YWHAZ: variants seen among roughly 807,000 people sequenced by gnomAD.
YWHAZ encodes tyrosine 3-monooxygenase/tryptophan 5-monooxygenase activation protein zeta.
For synonymous variants in YWHAZ, 87 were observed against 103.6 expected, an observed-to-expected ratio of 0.84 and a Z score of 0.97; for missense variants, 79 against 284.8, an observed-to-expected ratio of 0.28 and a Z score of 5.20.
chr8:100,927,292 G>A (rs1563671907), intron 2 of YWHAZ, among the ~76,000 whole-genome samples: 2 of 152,202 alleles, frequency 1.3e-5, no homozygotes, highest in Non-Finnish European at 2.9e-5. Flanking sequence ...GGAGGCTGAG[G>A]TGGGAGGATC....
chr8:100,950,698 G>T, intron 1 of YWHAZ: 1 of 701,138 alleles, frequency 1.4e-6, no homozygotes. Context: ...GCCCGACCCC[G>T]GGGCAGAGAC....
In YWHAZ at chr8:100,917,740, T is replaced by C. The variant is rs952522708; in HGVS notation, c.*2953A>G. Reference sequence around the variant, plus strand: ...CTTAAAAACAAACGAACAAAAAAATTCCAGTACTTTACACACAAAAAGTCA... The same window carrying C: ...CTTAAAAACAAACGAACAAAAAAATCCCAGTACTTTACACACAAAAAGTCA... On this transcript the variant is annotated 3_prime_UTR_variant, in exon 6 of 6. Transcript: ENST00000395958. The C allele has an allele frequency of 6.6e-6, 1 of 152,014 alleles. No individual in the cohort carries two copies. The highest frequency in any genetic ancestry group is 2.4e-5 in the African/African-American group (1 of 41,374). 9.4% of individuals were successfully genotyped at this position (152,014 alleles called of 1,614,324 possible).
chr8:100,930,330 C>T (rs1353672186), intron 2 of YWHAZ, among the ~76,000 whole-genome samples: 3 of 152,186 alleles, frequency 2.0e-5, no homozygotes, highest in Admixed American at 6.5e-5. Context: ...AACTCCTGAC[C>T]TCATGATCCA....
chr8:100,924,274 G>A lies in YWHAZ; in HGVS notation c.443C>T (p.Ala148Val). Residue 148 changes from alanine (A) to valine (V), a missense_variant, in exon 4 of 6, where the codon GCA (alanine) becomes GTA (valine). Coordinates refer to ENST00000395958, the MANE Select transcript of YWHAZ (RefSeq NM_145690.3). The surrounding 1 kb of genome is among the most constrained non-coding windows in gnomAD (Gnocchi z 5.7). ...GCTGATTTCAAAAGCTTCTTGGTAT[G>A]CTTGTTGTGACTGATCGACAATCCC... ...KKGIVDQSQQ[A>V]YQEAFEISKK... 1 of 1,613,586 alleles carries A rather than the reference G, an allele frequency of 6.2e-7. No individual in the cohort carries two copies. The highest frequency in any genetic ancestry group is 8.5e-7 in the Non-Finnish European group (1 of 1,179,966).
In YWHAZ at chr8:100,940,019, C is replaced by T. The variant is rs930474496; in HGVS notation, c.294+8577G>A. ...GCCTGGGGGACAGAGCGAGACTCCG[C>T]GCCACTGCACTCCAGCCTGGGGGAC... On this transcript the variant is annotated intron_variant, in intron 2 of 5. Coordinates refer to ENST00000395958, the MANE Select transcript of YWHAZ (RefSeq NM_145690.3). Among the ~76,000 whole-genome samples the T allele has an allele frequency of 4.1e-5, 6 of 148,106 alleles. No individual in the cohort carries two copies. In the East Asian group the frequency reaches 6.0e-4, roughly 15 times the overall value.
intron 2 of YWHAZ, among the ~76,000 whole-genome samples, chr8:100,936,188 G>T (rs919401157): frequency 6.6e-6 from 1 of 152,144 alleles, no homozygotes; most frequent in Non-Finnish European, 1.5e-5. Flanking sequence ...ACAAGTTACA[G>T]AGCTGGGATC....
intron 2 of YWHAZ, among the ~76,000 whole-genome samples, chr8:100,937,731 C>G (rs906972968): frequency 1.4e-4 from 21 of 152,116 alleles, no homozygotes; most frequent in African/African-American, 5.1e-4. Flanking sequence ...TGCTTTCATA[C>G]AAAGCATACA....
At chr8:100,950,748 G>A (rs902339347) in intron 1 of YWHAZ, among the ~76,000 whole-genome samples, 1 of 149,610 alleles carries the variant, frequency 6.7e-6, no homozygotes, top group African/African-American at 2.5e-5. Flanking sequence ...TACCAGCCCC[G>A]CCGCGGACAC....
intron 2 of YWHAZ, chr8:100,934,908 GC>G (rs1563678642): frequency 6.6e-6 from 1 of 151,828 alleles, no homozygotes; most frequent in East Asian, 1.9e-4. Flanking sequence ...CCTTCTACAT[GC>G]TATGCTCTTA....
In YWHAZ at chr8:100,948,643, T is replaced by G; in HGVS notation, c.247A>C (p.Arg83=). ...CTTAGCTCCGTCTCAATTTTCTCTC[T>G]GTATTCTCGAGCCATCTGCTGTTTT... ...EKKQQMAREY[R]EKIETELRDI... The change falls in exon 2 of 6, where the codon AGA becomes CGA. Residue 83 remains arginine (R), a synonymous_variant. Transcript: ENST00000395958. The surrounding 1 kb of genome is among the most constrained non-coding windows in gnomAD (Gnocchi z 4.2). 1 of 1,610,432 alleles carries G rather than the reference T, an allele frequency of 6.2e-7. No individual in the cohort carries two copies. The highest frequency in any genetic ancestry group is 8.5e-7 in the Non-Finnish European group (1 of 1,179,860).
At chr8:100,942,161 G>A (rs949358858) in intron 2 of YWHAZ, among the ~76,000 whole-genome samples, 3 of 151,960 alleles carry the variant, frequency 2.0e-5, no homozygotes, top group African/African-American at 4.8e-5. Context: ...TAAACAAAAG[G>A]GCAGGTGTCA....
At position 100,916,559 on chromosome 8, in the gene YWHAZ, C is replaced by T. The variant is rs1364329977; in HGVS notation, c.*4134G>A. 1 of 152,202 alleles carries T rather than the reference C, an allele frequency of 6.6e-6. No homozygotes were observed. The highest frequency in any genetic ancestry group is 2.4e-5 in the African/African-American group (1 of 41,456). 9.4% of individuals were successfully genotyped at this position (152,202 alleles called of 1,614,324 possible). A position where few individuals can be genotyped will look rare whatever the true frequency, so the allele number is the denominator to read the frequency against. On this transcript the variant is annotated 3_prime_UTR_variant, in exon 6 of 6. Coordinates refer to ENST00000395958, the MANE Select transcript of YWHAZ (RefSeq NM_145690.3). Reference sequence around the variant, plus strand: ...AACATCCAATGTTAGAAAATGTAAGCACAAACTGAAAATTCATAGGGTTTT... The same window carrying T: ...AACATCCAATGTTAGAAAATGTAAGTACAAACTGAAAATTCATAGGGTTTT...
In YWHAZ at chr8:100,950,379, G is replaced by A. The variant is rs1370084257; in HGVS notation, c.-11-1479C>T. 6 of 985,370 alleles carry A rather than the reference G, an allele frequency of 6.1e-6. No homozygotes were observed. The African/African-American group carries it at 1.0e-4, about 17-fold the overall frequency. The allele number at this position is 985,370 out of a possible 1,614,324, so 61.0% of individuals were successfully genotyped here. A position where few individuals can be genotyped will look rare whatever the true frequency, so the allele number is the denominator to read the frequency against. On this transcript the variant is annotated intron_variant, in intron 1 of 5. Transcript: ENST00000395958. Reference sequence around the variant, plus strand: ...GGCCTCGCCTCTACACTGCGGGCAGGACTCACCGCACCCATTTAACCCTTA... The same window carrying A: ...GGCCTCGCCTCTACACTGCGGGCAGAACTCACCGCACCCATTTAACCCTTA...
Position 100,948,638 on chromosome 8 carries a change from C to A in YWHAZ, c.252G>T (p.Glu84Asp), listed in dbSNP as rs1368187929. 2 of 1,610,666 alleles carry A rather than the reference C, an allele frequency of 1.2e-6. No homozygotes were observed. Among genetic ancestry groups the A allele is most frequent in the Non-Finnish European group, 1.7e-6 (2 of 1,179,874 alleles). ...KKQQMAREYR[E>D]KIETELRDIC... ...TATCTCTTAGCTCCGTCTCAATTTT[C>A]TCTCTGTATTCTCGAGCCATCTGCT... The change falls in exon 2 of 6, where the codon GAG (glutamate) becomes GAT (aspartate). Residue 84 changes from glutamate (E) to aspartate (D), a missense_variant. By Grantham distance (45) the Glu-to-Asp change is conservative. Coordinates refer to ENST00000395958, the MANE Select transcript of YWHAZ (RefSeq NM_145690.3). The surrounding 1 kb of genome is among the most constrained non-coding windows in gnomAD (Gnocchi z 4.2).
intron 2 of YWHAZ, among the ~76,000 whole-genome samples, chr8:100,937,588 C>T (rs887013504): frequency 9.2e-5 from 14 of 152,208 alleles, no homozygotes; most frequent in African/African-American, 3.4e-4. Context: ...CTAACTTTGA[C>T]ATGACCTCAC....
At position 100,920,232 on chromosome 8, in the gene YWHAZ, C is replaced by T; in HGVS notation, c.*461G>A. The T allele has an allele frequency of 6.2e-6, 1 of 162,076 alleles. No homozygotes were observed. 10.0% of individuals were successfully genotyped at this position (162,076 alleles called of 1,614,324 possible). On this transcript the variant is annotated 3_prime_UTR_variant, in exon 6 of 6. Coordinates refer to ENST00000395958, the MANE Select transcript of YWHAZ (RefSeq NM_145690.3). ...TATACATGGTTTAATATGTGGTATC[C>T]ATGGGGTATGATTCTACCACAGCCT...
rs189903088 is a variant in YWHAZ at position 100,942,418 on chromosome 8, C to T, written c.294+6178G>A. Among the ~76,000 whole-genome samples, 37 of 152,284 alleles carry T rather than the reference C, an allele frequency of 2.4e-4. No homozygotes were observed. In the East Asian group the frequency reaches 6.8e-3, roughly 28 times the overall value. On this transcript the variant is annotated intron_variant, in intron 2 of 5. Coordinates refer to ENST00000395958, the MANE Select transcript of YWHAZ (RefSeq NM_145690.3). Reference sequence around the variant, plus strand: ...TTAAATGGAATTACTGACTAGAGAACAAGTGAATGATCGGTTACATAGAAA... The same window carrying T: ...TTAAATGGAATTACTGACTAGAGAATAAGTGAATGATCGGTTACATAGAAA...
At chr8:100,931,720 A>G (rs188630037) in intron 2 of YWHAZ, among the ~76,000 whole-genome samples, 12 of 152,308 alleles carry the variant, frequency 7.9e-5, no homozygotes, top group Admixed American at 5.2e-4. Context: ...GAGAGTAGGC[A>G]TTCTACTCAC....
chr8:100,953,148 G>T (rs1810921252), upstream of YWHAZ: 2 of 985,980 alleles, frequency 2.0e-6, no homozygotes, highest in Non-Finnish European at 2.4e-6. Flanking sequence ...GGTCCTGGCA[G>T]CCTTGACCCG....
Sources: gnomAD v4.1 joint callset for allele counts (sites outside exome capture counted in the v4.1 genomes callset) on GRCh38, gnomAD v4.1.1 for gene constraint, Gnocchi (gnomAD v3.1) non-coding constraint, MANE v1.5 for transcripts, NCBI Gene and HGNC (gene_info 2026-07-23, HGNC 2026-07-21) for gene names.